OVOL1: variants seen among roughly 807,000 people sequenced by gnomAD.
The protein encoded by OVOL1 is ovo like transcriptional repressor 1.
A neutral mutation model predicts 21.5 loss-of-function variants in OVOL1; 10 were observed. The observed-to-expected ratio is 0.46, with a 90% CI of 0.29 to 0.79. The LOEUF (loss-of-function observed/expected upper bound fraction) is 0.79. OVOL1 is among the 30% of genes least tolerant of loss of function. The pLI is 0.10. For missense variants in OVOL1, 279 were observed against 362.3 expected, an observed-to-expected ratio of 0.77 and a Z score of 1.87; for synonymous variants, 129 against 150.3, an observed-to-expected ratio of 0.86 and a Z score of 1.03.
In OVOL1 at chr11:65,795,824, C is replaced by G. The variant is rs1858120940; in HGVS notation, c.*483C>G. 1 of 193,336 alleles carries G rather than the reference C, an allele frequency of 5.2e-6. No homozygotes were observed. Among genetic ancestry groups the G allele is most frequent in the African/African-American group, 2.3e-5 (1 of 43,350 alleles). The allele number at this position is 193,336 out of a possible 1,614,324, so 12.0% of individuals were successfully genotyped here. A position where few individuals can be genotyped will look rare whatever the true frequency, so the allele number is the denominator to read the frequency against. ...GTGGTGGGGGCTGGCAGCAGACCCC[C>G]CACCTGGCAGGGCTTCTAATGCTCA... On this transcript the variant is annotated 3_prime_UTR_variant, in exon 4 of 4. Transcript: ENST00000335987. The surrounding 1 kb of genome is among the most constrained non-coding windows in gnomAD (Gnocchi z 5.7).
At position 65,795,285 on chromosome 11, in the gene OVOL1, GC is replaced by G. The variant is rs1394725858; in HGVS notation, c.750del (p.Val251TrpfsTer54). On this transcript the variant is annotated frameshift_variant, in exon 4 of 4. Coordinates refer to ENST00000335987, the MANE Select transcript of OVOL1 (RefSeq NM_004561.4). LOFTEE classifies it high-confidence loss of function. This position sits in a 1 kb window ranked among gnomAD's most constrained non-coding sequence, Gnocchi z 5.7. Reference sequence around the variant, plus strand: ...GCTGCGCAAGACCTCCAAGAAGGTGGCCGTGGCACTACAGAACACTGTCACT... The same window carrying G: ...GCTGCGCAAGACCTCCAAGAAGGTGGCGTGGCACTACAGAACACTGTCACT... ...PLLRKTSKKV[A>X]VALQNTVTSL... 1 of 1,612,940 alleles carries G rather than the reference GC, an allele frequency of 6.2e-7. No individual in the cohort carries two copies. Among genetic ancestry groups the G allele is most frequent in the Admixed American group, 1.7e-5 (1 of 59,938 alleles).
At chr11:65,792,226 TC>T (rs1441953828) in intron 1 of OVOL1, 1 of 152,346 alleles carries the variant, frequency 6.6e-6, no homozygotes, top group Non-Finnish European at 1.5e-5. Flanking sequence ...ACCATGAGCC[TC>T]CCCTCTCGTG....
At chr11:65,789,623 C>T (rs528374487) in intron 1 of OVOL1, 889 of 971,116 alleles carry the variant, frequency 9.2e-4, no homozygotes, top group Non-Finnish European at 1.0e-3. Flanking sequence ...CCTGGCTGGG[C>T]CATTCCATCA....
rs755253401 is a variant in OVOL1, at chr11:65,795,030, CCT to C, written c.509-15_509-14del. 2.1e-5 allele frequency: 33 copies of C among 1,608,098 alleles called. No homozygotes were observed. In the African/African-American group the frequency reaches 2.3e-4, roughly 11 times the overall value. On this transcript the variant is annotated splice_polypyrimidine_tract_variant and intron_variant, in intron 3 of 3. Coordinates refer to ENST00000335987, the MANE Select transcript of OVOL1 (RefSeq NM_004561.4). This position sits in a 1 kb window ranked among gnomAD's most constrained non-coding sequence, Gnocchi z 5.7. ...CCCTGCCAGGTCTCTGATGCTGGCCCCTGTCCTCCCCACAGGCGTGCGGCCCT... is the reference window on the plus strand; with the variant it reads ...CCCTGCCAGGTCTCTGATGCTGGCCCGTCCTCCCCACAGGCGTGCGGCCCT...
chr11:65,794,145 T>C lies in OVOL1; in HGVS notation c.215T>C (p.Met72Thr), dbSNP rs201774971. ...NMSLRDSSYSMAPGPCVVAQL... is the reference protein window; with the variant it reads ...NMSLRDSSYSTAPGPCVVAQL... ...AGCCTTCGAGACTCTAGCTACAGCA[T>C]GGCCCCCGGGCCCTGTGTGGTGGCC... Residue 72 changes from methionine to threonine, a missense_variant, in exon 2 of 4, where the codon ATG (methionine) becomes ACG (threonine). By Grantham distance (81) the Met-to-Thr change is moderately conservative. Coordinates refer to ENST00000335987, the MANE Select transcript of OVOL1 (RefSeq NM_004561.4). The C allele has an allele frequency of 2.1e-4, 346 of 1,613,724 alleles. 1 individual carries two copies. Among genetic ancestry groups the C allele is most frequent in the Non-Finnish European group, 2.9e-5 (34 of 1,180,032 alleles).
At position 65,795,657 on chromosome 11, in the gene OVOL1, G is replaced by C. The variant is rs1858118111; in HGVS notation, c.*316G>C. ...CCGCCCACAGAGACAGGCACTGTGT[G>C]CCTGGCAGCAGGACTTCCTACCCAG... On this transcript the variant is annotated 3_prime_UTR_variant, in exon 4 of 4. Transcript: ENST00000335987. The surrounding 1 kb of genome is among the most constrained non-coding windows in gnomAD (Gnocchi z 5.7). 2.2e-6 allele frequency: 1 copy of C among 446,776 alleles called. No individual in the cohort carries two copies. Among genetic ancestry groups the C allele is most frequent in the Non-Finnish European group, 4.1e-6 (1 of 243,626 alleles). 27.7% of individuals were successfully genotyped at this position (446,776 alleles called of 1,614,324 possible).
chr11:65,794,642 C>T lies in OVOL1; in HGVS notation c.423C>T (p.Asn141=), dbSNP rs778793840. ...TGAACCGCCACATGAAGTGTCACAACGACGTCAAGAGGCACCTCTGCACGT... is the reference window on the plus strand; with the variant it reads ...TGAACCGCCACATGAAGTGTCACAATGACGTCAAGAGGCACCTCTGCACGT... ...RMLNRHMKCH[N]DVKRHLCTYC... Residue 141 remains asparagine, a synonymous_variant, in exon 3 of 4, where the codon AAC becomes AAT. Coordinates refer to ENST00000335987, the MANE Select transcript of OVOL1 (RefSeq NM_004561.4). 3.4e-5 allele frequency: 55 copies of T among 1,613,664 alleles called. No homozygotes were observed. The highest frequency in any genetic ancestry group is 4.0e-5 in the Non-Finnish European group (47 of 1,180,026).
Position 65,787,245 on chromosome 11 carries a change from T to TG in OVOL1, c.-124dup. The TG allele has an allele frequency of 1.5e-6, 1 of 687,694 alleles. No individual in the cohort carries two copies. The highest frequency in any genetic ancestry group is 2.5e-6 in the Non-Finnish European group (1 of 402,596). 42.6% of individuals were successfully genotyped at this position (687,694 alleles called of 1,614,324 possible). A position where few individuals can be genotyped will look rare whatever the true frequency, so the allele number is the denominator to read the frequency against. On this transcript the variant is annotated 5_prime_UTR_variant, in exon 1 of 4. Coordinates refer to ENST00000335987, the MANE Select transcript of OVOL1 (RefSeq NM_004561.4). ...CCGGGCTCGGACCTTCCCCGGAACGTGGGGGCGCCTTAGCGACTCCTTCCC... is the reference window on the plus strand; with the variant it reads ...CCGGGCTCGGACCTTCCCCGGAACGTGGGGGGCGCCTTAGCGACTCCTTCCC...
chr11:65,787,672 G>T (rs957991339), intron 1 of OVOL1, among the ~76,000 whole-genome samples, 199 bp downstream of exon 1: 1 of 151,800 alleles, frequency 6.6e-6, no homozygotes, highest in African/African-American at 2.4e-5. Context: ...CGGCGGAAGA[G>T]CGCTGGTCGG....
chr11:65,793,126 G>A (rs990533124), intron 1 of OVOL1, among the ~76,000 whole-genome samples: 2 of 152,224 alleles, frequency 1.3e-5, no homozygotes, highest in Non-Finnish European at 1.5e-5. Context: ...AATTTGCCCC[G>A]GCTCTGTTGG....
At position 65,787,314 on chromosome 11, in the gene OVOL1, TG is replaced by T; in HGVS notation, c.-57del. 7.1e-7 allele frequency: 1 copy of T among 1,399,482 alleles called. No individual in the cohort carries two copies. Among genetic ancestry groups the T allele is most frequent in the Non-Finnish European group, 9.8e-7 (1 of 1,018,000 alleles). 86.7% of individuals were successfully genotyped at this position (1,399,482 alleles called of 1,614,324 possible). A position where few individuals can be genotyped will look rare whatever the true frequency, so the allele number is the denominator to read the frequency against. ...GGCGTTCAGCCCGGCCCCGCAAAGGTGGGACGGCTCCCGGCTTCAGTTACGG... is the reference window on the plus strand; with the variant it reads ...GGCGTTCAGCCCGGCCCCGCAAAGGTGGACGGCTCCCGGCTTCAGTTACGG... On this transcript the variant is annotated 5_prime_UTR_variant, in exon 1 of 4. Coordinates refer to ENST00000335987, the MANE Select transcript of OVOL1 (RefSeq NM_004561.4).
Position 65,795,132 on chromosome 11 carries a change from G to A in OVOL1, c.595G>A (p.Val199Met). Residue 199 changes from valine (V) to methionine (M), a missense_variant, in exon 4 of 4, where the codon GTG becomes ATG. Transcript: ENST00000335987. This position sits in a 1 kb window ranked among gnomAD's most constrained non-coding sequence, Gnocchi z 5.7. ...LESHLKKIHG[V>M]QQKYAYKERR... is the part of the protein sequence containing the mutation. Reference sequence around the variant, plus strand: ...GTCTCACCTCAAGAAGATCCATGGTGTGCAGCAGAAGTACGCGTACAAGGA... The same window carrying A: ...GTCTCACCTCAAGAAGATCCATGGTATGCAGCAGAAGTACGCGTACAAGGA... The A allele has an allele frequency of 6.2e-7, 1 of 1,613,918 alleles. No individual in the cohort carries two copies. The highest frequency in any genetic ancestry group is 1.3e-5 in the African/African-American group (1 of 75,052).
Position 65,795,280 on chromosome 11 carries a change from A to T in OVOL1, c.743A>T (p.Lys248Met). The change falls in exon 4 of 4, where the codon AAG (lysine) becomes ATG (methionine). Residue 248 changes from lysine to methionine, a missense_variant. Coordinates refer to ENST00000335987, the MANE Select transcript of OVOL1 (RefSeq NM_004561.4). This position sits in a 1 kb window ranked among gnomAD's most constrained non-coding sequence, Gnocchi z 5.7. ...CCGCTGCTGCGCAAGACCTCCAAGAAGGTGGCCGTGGCACTACAGAACACT... is the reference window on the plus strand; with the variant it reads ...CCGCTGCTGCGCAAGACCTCCAAGATGGTGGCCGTGGCACTACAGAACACT... ...DSPLLRKTSK[K>M]VAVALQNTVT... is the part of the protein sequence containing the mutation. The T allele has an allele frequency of 3.7e-6, 6 of 1,613,242 alleles. No individual in the cohort carries two copies. Among genetic ancestry groups the T allele is most frequent in the Non-Finnish European group, 5.1e-6 (6 of 1,179,908 alleles).
intron 1 of OVOL1, chr11:65,793,827 T>C: frequency 1.7e-6 from 1 of 594,538 alleles, no homozygotes; most frequent in East Asian, 2.8e-5. Flanking sequence ...CAGTGGCGCT[T>C]GGCTGGCATC....
Position 65,795,287 on chromosome 11 carries a change from C to A in OVOL1, c.750C>A (p.Ala250=), listed in dbSNP as rs376114222. The change falls in exon 4 of 4, where the codon GCC becomes GCA. Residue 250 remains alanine (A), a synonymous_variant. Coordinates refer to ENST00000335987, the MANE Select transcript of OVOL1 (RefSeq NM_004561.4). This position sits in a 1 kb window ranked among gnomAD's most constrained non-coding sequence, Gnocchi z 5.7. ...TGCGCAAGACCTCCAAGAAGGTGGC[C>A]GTGGCACTACAGAACACTGTCACTT... The part of the protein sequence containing the change: ...PLLRKTSKKV[A]VALQNTVTSL... The A allele has an allele frequency of 6.2e-7, 1 of 1,612,660 alleles. No individual in the cohort carries two copies. The highest frequency in any genetic ancestry group is 1.3e-5 in the African/African-American group (1 of 74,902).
intron 3 of OVOL1, 139 bp from the exon 4 acceptor site, chr11:65,794,907 G>C: frequency 1.0e-6 from 1 of 1,001,390 alleles, no homozygotes; most frequent in Non-Finnish European, 1.5e-6. Flanking sequence ...AGAGTCACTC[G>C]GGAAGTTGGT....
At chr11:65,788,654 T>C (rs1412769023) in intron 1 of OVOL1, 2 of 985,300 alleles carry the variant, frequency 2.0e-6, no homozygotes, top group African/African-American at 1.7e-5. Context: ...GGTGAGGTCT[T>C]TGTGGCCTGA....
Position 65,787,300 on chromosome 11 carries a change from C to T in OVOL1, c.-74C>T. 1 of 1,277,338 alleles carries T rather than the reference C, an allele frequency of 7.8e-7. No individual in the cohort carries two copies. The highest frequency in any genetic ancestry group is 1.1e-6 in the Non-Finnish European group (1 of 909,122). 79.1% of individuals were successfully genotyped at this position (1,277,338 alleles called of 1,614,324 possible). A position where few individuals can be genotyped will look rare whatever the true frequency, so the allele number is the denominator to read the frequency against. On this transcript the variant is annotated 5_prime_UTR_variant, in exon 1 of 4. Coordinates refer to ENST00000335987, the MANE Select transcript of OVOL1 (RefSeq NM_004561.4). ...GTGCCCCCGTTCCCGGCGTTCAGCC[C>T]GGCCCCGCAAAGGTGGGACGGCTCC...
At chr11:65,794,392 G>A (rs1180870655) in intron 2 of OVOL1, 144 bp downstream of exon 2, 12 of 1,073,798 alleles carry the variant, frequency 1.1e-5, no homozygotes, top group South Asian at 4.4e-5. Context: ...GCCGATCTCC[G>A]GGCAGACGGC....
Sources: gnomAD v4.1 joint callset for allele counts (sites outside exome capture counted in the v4.1 genomes callset) on GRCh38, gnomAD v4.1.1 for gene constraint, Gnocchi (gnomAD v3.1) non-coding constraint, MANE v1.5 for transcripts, NCBI Gene and HGNC (gene_info 2026-07-23, HGNC 2026-07-21) for gene names.